Variants in CERT1 observed in about 807,000 individuals in gnomAD.
The protein encoded by CERT1 is ceramide transporter 1.
Under a neutral mutation model 87.9 loss-of-function variants are expected in CERT1, and 31 were observed. That is an observed-to-expected ratio of 0.35 (90% CI 0.27 to 0.48). The LOEUF (loss-of-function observed/expected upper bound fraction) is 0.48, where lower values mean the gene tolerates loss of function less well. Among genes scored for constraint, CERT1 ranks in the 20% least tolerant of loss-of-function variants. CERT1 has a pLI of 0.99. For synonymous variants in CERT1, 289 were observed against 250.9 expected (o/e 1.15, Z -1.44); for missense variants, 487 against 758.0 (o/e 0.64, Z 4.20).
intron 16 of CERT1, 81 bp downstream of exon 16, chr5:75,380,991 G>A: frequency 1.4e-6 from 2 of 1,423,146 alleles, no homozygotes; most frequent in Non-Finnish European, 9.7e-7. Context: ...AACTAAAAAG[G>A]CATTTGTCCA....
At chr5:75,480,002 T>C (rs372904892) in intron 2 of CERT1, among the ~76,000 whole-genome samples, 3 of 152,204 alleles carry the variant, frequency 2.0e-5, no homozygotes, top group South Asian at 4.1e-4. Flanking sequence ...TGTGAGATGG[T>C]ATCTTATTGT....
chr5:75,385,964 C>G lies in CERT1; in HGVS notation c.1355G>C (p.Gly452Ala), dbSNP rs1286958678. Residue 452 changes from glycine (G) to alanine (A), a missense_variant, in exon 13 of 17, where the codon GGC (glycine) becomes GCC (alanine). Around this residue, in one of 8 missense-constraint regions of CERT1, gnomAD observed 147 missense variants for 200.8 expected, o/e 0.73. Coordinates refer to ENST00000643780, the MANE Select transcript of CERT1 (RefSeq NM_001379029.1). Reference sequence around the variant, plus strand: ...ATTGCAGACTTCATGTCCTGTGACGCCTTTAACTGCATGGGTAGCTTTTAA... The same window carrying G: ...ATTGCAGACTTCATGTCCTGTGACGGCTTTAACTGCATGGGTAGCTTTTAA... ...DPLKATHAVK[G>A]VTGHEVCNYF... 2 of 1,597,042 alleles carry G rather than the reference C, an allele frequency of 1.3e-6. No homozygotes were observed. The highest frequency in any genetic ancestry group is 1.7e-6 in the Non-Finnish European group (2 of 1,171,574).
intron 3 of CERT1, among the ~76,000 whole-genome samples, chr5:75,456,723 A>G (rs1262030725): frequency 6.6e-6 from 1 of 151,778 alleles, no homozygotes. Flanking sequence ...ACAACCCTGC[A>G]GTTGAGTATT....
intron 3 of CERT1, among the ~76,000 whole-genome samples, chr5:75,441,256 G>A (rs895916038): frequency 6.6e-6 from 1 of 152,050 alleles, no homozygotes; most frequent in Non-Finnish European, 1.5e-5. Context: ...ATGTTATACA[G>A]GTTTGTAACC....
chr5:75,407,014 T>C (rs887066522), intron 8 of CERT1, among the ~76,000 whole-genome samples: 21 of 152,132 alleles, frequency 1.4e-4, no homozygotes, highest in African/African-American at 4.8e-4. Flanking sequence ...ACGACTATAA[T>C]ATTGTTACAA....
At chr5:75,383,178 G>A (rs1761655306) in intron 14 of CERT1, among the ~76,000 whole-genome samples, 2 of 151,990 alleles carry the variant, frequency 1.3e-5, no homozygotes, top group African/African-American at 4.8e-5. Context: ...TATAGTGTGA[G>A]TGGTATAGTT....
chr5:75,427,663 C>T (rs1295055871), intron 3 of CERT1, among the ~76,000 whole-genome samples: 1 of 152,172 alleles, frequency 6.6e-6, no homozygotes, highest in Non-Finnish European at 1.5e-5. Flanking sequence ...GTATTATATC[C>T]TTTGACAATA....
At chr5:75,426,557 C>A (rs1036039801) in intron 3 of CERT1, 79 bp from the exon 4 acceptor site, 1 of 1,017,178 alleles carries the variant, frequency 9.8e-7, no homozygotes, top group African/African-American at 1.6e-5. Flanking sequence ...TATGAATTAA[C>A]AAGGTTATTA....
chr5:75,450,714 T>C (rs1290247100), intron 3 of CERT1, among the ~76,000 whole-genome samples: 1 of 152,218 alleles, frequency 6.6e-6, no homozygotes, highest in Non-Finnish European at 1.5e-5. Context: ...CTTCTTTCTA[T>C]GATTCTAAGC....
chr5:75,455,784 G>C (rs1423295631), intron 3 of CERT1, among the ~76,000 whole-genome samples: 2 of 152,164 alleles, frequency 1.3e-5, no homozygotes, highest in Non-Finnish European at 2.9e-5. Flanking sequence ...GTAACAGACA[G>C]ACAAGAGAAT....
At chr5:75,391,352 G>A (rs1040305494) in intron 11 of CERT1, among the ~76,000 whole-genome samples, 2 of 152,174 alleles carry the variant, frequency 1.3e-5, no homozygotes, top group African/African-American at 4.8e-5. Flanking sequence ...AAGCAGGTAT[G>A]GCCTTAAGTG....
chr5:75,507,396 A>G (rs1031975925), intron 1 of CERT1, among the ~76,000 whole-genome samples: 110 of 152,084 alleles, frequency 7.2e-4, no homozygotes, highest in African/African-American at 2.6e-3. Flanking sequence ...CAGGTGAGCC[A>G]CCATCCCTAG....
chr5:75,459,638 C>A (rs552364198), intron 2 of CERT1, among the ~76,000 whole-genome samples: 2 of 152,072 alleles, frequency 1.3e-5, no homozygotes, highest in African/African-American at 4.8e-5. Flanking sequence ...CACATACCAC[C>A]ATGCCCTGCT....
chr5:75,407,060 G>A (rs1193898589), intron 8 of CERT1, among the ~76,000 whole-genome samples: 1 of 152,070 alleles, frequency 6.6e-6, no homozygotes, highest in Non-Finnish European at 1.5e-5. Context: ...AAAAGAAGGG[G>A]AAGTGTAAAA....
chr5:75,511,501 G>GC lies in CERT1; in HGVS notation c.-295dup. ...CGCCCGGCGCTGCCACCCGAACTTAGCCCCCTCGATGCCAATTTCAAATAG... is the reference window on the plus strand; with the variant it reads ...CGCCCGGCGCTGCCACCCGAACTTAGCCCCCCTCGATGCCAATTTCAAATAG... On this transcript the variant is annotated 5_prime_UTR_variant, in exon 1 of 17. Coordinates refer to ENST00000643780, the MANE Select transcript of CERT1 (RefSeq NM_001379029.1). 6.7e-7 allele frequency: 1 copy of GC among 1,486,450 alleles called. No individual in the cohort carries two copies. The highest frequency in any genetic ancestry group is 8.9e-7 in the Non-Finnish European group (1 of 1,120,106). The allele number at this position is 1,486,450 out of a possible 1,614,324, so 92.1% of individuals were successfully genotyped here.
chr5:75,388,599 CATATATATATATATATATATAT>C lies in CERT1; in HGVS notation c.1284+971_1284+992del, dbSNP rs59799780. Among the ~76,000 whole-genome samples the C allele has an allele frequency of 3.1e-3, 284 of 91,856 alleles. 6 individuals are homozygous for C. Among genetic ancestry groups the C allele is most frequent in the Admixed American group, 8.1e-3 (61 of 7,494 alleles). 60.3% of individuals were successfully genotyped at this position (91,856 alleles called of 152,430 possible). A position where few individuals can be genotyped will look rare whatever the true frequency, so the allele number is the denominator to read the frequency against. On this transcript the variant is annotated intron_variant, in intron 12 of 16. Transcript: ENST00000643780. ...GATGGAGCCAAGTATAGCATGCATG[CATATATATATATATATATATAT>C]ATATATATATATATATATATCTCAC...
chr5:75,395,555 CAAAAAA>C (rs35109034), intron 11 of CERT1, among the ~76,000 whole-genome samples: 4 of 48,008 alleles, frequency 8.3e-5, no homozygotes, highest in African/African-American at 1.4e-4. Context: ...TGTCTCTTTA[CAAAAAA>C]AAAAAAAAAA....
At chr5:75,401,815 A>G (rs1044077530) in intron 9 of CERT1, 5 of 152,230 alleles carry the variant, frequency 3.3e-5, no homozygotes, top group Admixed American at 2.6e-4. Context: ...CTTAGCAATG[A>G]TAAGAAACGA....
At chr5:75,505,906 G>A in intron 2 of CERT1, 76 bp downstream of exon 2, 5 of 1,138,498 alleles carry the variant, frequency 4.4e-6, no homozygotes, top group Non-Finnish European at 5.2e-6. Flanking sequence ...GATGTATCCT[G>A]AACACGTAGA....
Sources: allele counts gnomAD v4.1 joint callset (sites outside exome capture counted in the v4.1 genomes callset), GRCh38; gene constraint gnomAD v4.1.1; regional missense constraint gnomAD v4.1.1; transcripts MANE v1.5; gene names NCBI Gene and HGNC (gene_info 2026-07-23, HGNC 2026-07-21).